CENPE: variants seen among roughly 807,000 people sequenced by gnomAD.
The protein encoded by CENPE is centromere-associated protein E.
Under a neutral mutation model 336.1 loss-of-function variants are expected in CENPE, and 145 were observed. The observed-to-expected ratio is 0.43, with a 90% CI of 0.38 to 0.50. The LOEUF (loss-of-function observed/expected upper bound fraction) is 0.50, where lower values mean the gene tolerates loss of function less well. Ranked by LOEUF, CENPE falls within the 20% of genes least tolerant of loss-of-function variation. The pLI, the probability that CENPE is intolerant of heterozygous loss-of-function variation, is 0.00. For synonymous variants in CENPE, 1,013 were observed against 984.8 expected, an observed-to-expected ratio of 1.03 and a Z score of -0.54; for missense variants, 2,719 against 3,023.3, an observed-to-expected ratio of 0.90 and a Z score of 2.36.
Position 103,148,922 on chromosome 4 carries a change from T to C in CENPE, c.3765A>G (p.Arg1255=). ...GAGCTGTCTTCTCAGATACGCTTCT[T>C]CTTAGTTCATCAATAGTTTCTTGGT... ...KEHQETIDEL[R]RSVSEKTAQI... Residue 1255 remains arginine (R), a synonymous_variant, in exon 28 of 49, where the codon AGA becomes AGG. Coordinates refer to ENST00000265148, the MANE Select transcript of CENPE (RefSeq NM_001813.3). The C allele has an allele frequency of 6.2e-7, 1 of 1,613,636 alleles. No individual in the cohort carries two copies. The highest frequency in any genetic ancestry group is 1.1e-5 in the South Asian group (1 of 91,064).
intron 38 of CENPE, among the ~76,000 whole-genome samples, chr4:103,139,153 C>T (rs1199519058): frequency 9.2e-6 from 1 of 108,712 alleles, no homozygotes; most frequent in Admixed American, 8.9e-5. Context: ...TTATCTTGTT[C>T]ACTACAGTAC....
chr4:103,123,912 C>T (rs993517200), intron 42 of CENPE, among the ~76,000 whole-genome samples: 2 of 152,154 alleles, frequency 1.3e-5, no homozygotes, highest in African/African-American at 4.8e-5. Flanking sequence ...ATTCATATTC[C>T]TTCATCTTAT....
intron 41 of CENPE, 55 bp from the exon 42 acceptor site, chr4:103,132,951 ATATTT>A (rs1578574511): frequency 4.1e-6 from 1 of 243,060 alleles, no homozygotes; most frequent in Admixed American, 6.1e-5. Flanking sequence ...TTTGATCCAA[ATATTT>A]TATTTATATA....
chr4:103,160,928 T>C, intron 20 of CENPE, 149 bp from the exon 21 acceptor site: 1 of 950,546 alleles, frequency 1.1e-6, no homozygotes, highest in Non-Finnish European at 1.5e-6. Context: ...GAAATCTTTA[T>C]AAATATTAAT....
In CENPE at chr4:103,132,960, TTATA is replaced by T. The variant is rs56951110; in HGVS notation, c.6721-68_6721-65del. ...GAAAGTTTTGATCCAAATATTTTAT[TTATA>T]TATATATATATATATATATAAAATA... On this transcript the variant is annotated intron_variant, in intron 41 of 48. Coordinates refer to ENST00000265148, the MANE Select transcript of CENPE (RefSeq NM_001813.3). 1.2e-3 allele frequency: 176 copies of T among 148,146 alleles called. 4 individuals are homozygous for T. The highest frequency in any genetic ancestry group is 5.2e-3 in the African/African-American group (145 of 27,770). The allele number at this position is 148,146 out of a possible 1,614,324, so 9.2% of individuals were successfully genotyped here. A position where few individuals can be genotyped will look rare whatever the true frequency, so the allele number is the denominator to read the frequency against.
chr4:103,145,730 ATTTT>A, intron 30 of CENPE, 49 bp from the exon 31 acceptor site: 1 of 1,515,662 alleles, frequency 6.6e-7, no homozygotes, highest in Non-Finnish European at 8.8e-7. Flanking sequence ...CATTATAACT[ATTTT>A]GTTGTAATTA....
At chr4:103,130,594 A>G (rs1751499461) in intron 42 of CENPE, among the ~76,000 whole-genome samples, 1 of 152,182 alleles carries the variant, frequency 6.6e-6, no homozygotes, top group African/African-American at 2.4e-5. Flanking sequence ...CTTTCCATCT[A>G]TAAATTAGAA....
At position 103,163,530 on chromosome 4, in the gene CENPE, C is replaced by A. The variant is rs575353274; in HGVS notation, c.1671G>T (p.Ser557=). Residue 557 remains serine, a synonymous_variant, in exon 17 of 49, where the codon TCG becomes TCT. Coordinates refer to ENST00000265148, the MANE Select transcript of CENPE (RefSeq NM_001813.3). ...DQEMQLIHEI[S]NLKNLVKHAE... The stretch of plus-strand genomic sequence containing the variant: ...CATGCTTAACTAAATTCTTTAAGTT[C>A]GAAATTTCATGAATTAGTTGCATCT... The A allele has an allele frequency of 9.5e-6, 15 of 1,583,986 alleles. No homozygotes were observed. The East Asian group carries it at 1.6e-4, about 17-fold the overall frequency.
At chr4:103,158,951 C>T (rs879370430) in intron 22 of CENPE, 59 bp downstream of exon 22, 1 of 1,540,306 alleles carries the variant, frequency 6.5e-7, no homozygotes, top group Non-Finnish European at 8.7e-7. Flanking sequence ...TACATATATA[C>T]AGAAACCAAA....
intron 38 of CENPE, 70 bp downstream of exon 38, chr4:103,139,719 A>ATTTT: frequency 7.5e-7 from 1 of 1,336,488 alleles, no homozygotes; most frequent in East Asian, 2.3e-5. Flanking sequence ...AAATAAAAAC[A>ATTTT]TTGTAATTCT....
chr4:103,190,284 A>T lies in CENPE; in HGVS notation c.693+3945T>A, dbSNP rs183387277. 7.9e-5 allele frequency among the ~76,000 whole-genome samples: 12 copies of T among 152,344 alleles called. No individual in the cohort carries two copies. In the East Asian group the frequency reaches 2.1e-3, roughly 27 times the overall value. ...AATGACTTTTCTTCACAGAACTGGAAAAAACTACTTTAAGGTTCATATGGA... is the reference window on the plus strand; with the variant it reads ...AATGACTTTTCTTCACAGAACTGGATAAAACTACTTTAAGGTTCATATGGA... On this transcript the variant is annotated intron_variant, in intron 8 of 48. Coordinates refer to ENST00000265148, the MANE Select transcript of CENPE (RefSeq NM_001813.3).
At chr4:103,152,679 C>G (rs1009751353) in intron 25 of CENPE, among the ~76,000 whole-genome samples, 1 of 152,052 alleles carries the variant, frequency 6.6e-6, no homozygotes, top group East Asian at 1.9e-4. Context: ...TGAACTATTC[C>G]TTGGCAGTAA....
chr4:103,148,652 T>G (rs1396891178), intron 28 of CENPE, among the ~76,000 whole-genome samples, 192 bp downstream of exon 28: 1 of 152,226 alleles, frequency 6.6e-6, no homozygotes, highest in Non-Finnish European at 1.5e-5. Flanking sequence ...CAGAGGGATT[T>G]TAGGGGTTTT....
At chr4:103,111,564 T>C (rs1440884824) in intron 46 of CENPE, among the ~76,000 whole-genome samples, 2 of 152,228 alleles carry the variant, frequency 1.3e-5, no homozygotes, top group African/African-American at 4.8e-5. Flanking sequence ...TGTGAGATAG[T>C]TATGAAGTGG....
intron 45 of CENPE, among the ~76,000 whole-genome samples, chr4:103,115,823 C>T (rs777194728): frequency 2.0e-4 from 30 of 150,706 alleles, no homozygotes; most frequent in Non-Finnish European, 3.8e-4. Flanking sequence ...CTCCGCCTCC[C>T]GGGTTCACAC....
At chr4:103,134,452 G>A (rs1751883774) in intron 40 of CENPE, among the ~76,000 whole-genome samples, 3 of 151,992 alleles carry the variant, frequency 2.0e-5, no homozygotes, top group Admixed American at 6.6e-5. Flanking sequence ...GGCTAACACA[G>A]TGAAACCCTG....
At chr4:103,107,734 C>T (rs760078569) in intron 48 of CENPE, among the ~76,000 whole-genome samples, 1 of 152,112 alleles carries the variant, frequency 6.6e-6, no homozygotes, top group Non-Finnish European at 1.5e-5. Flanking sequence ...AAATCTCTCC[C>T]GTCGGTCTAC....
chr4:103,184,917 G>C (rs554132489), intron 9 of CENPE, among the ~76,000 whole-genome samples: 1 of 152,226 alleles, frequency 6.6e-6, no homozygotes, highest in East Asian at 1.9e-4. Flanking sequence ...AATTAACACA[G>C]AGGCCTGATA....
At chr4:103,183,760 T>C (rs1482336637) in intron 9 of CENPE, among the ~76,000 whole-genome samples, 1 of 152,182 alleles carries the variant, frequency 6.6e-6, no homozygotes, top group Non-Finnish European at 1.5e-5. Flanking sequence ...TTCAACCAGT[T>C]CCTATACCTC....
Sources: allele counts gnomAD v4.1 joint callset (sites outside exome capture counted in the v4.1 genomes callset), GRCh38; gene constraint gnomAD v4.1.1; transcripts MANE v1.5; gene names NCBI Gene and HGNC (gene_info 2026-07-23, HGNC 2026-07-21).